The following NTMT1 variants were observed in gnomAD, a reference collection of about 807,000 sequenced individuals.
The protein encoded by NTMT1 is N-terminal Xaa-Pro-Lys N-methyltransferase 1, also known as N-terminal RCC1 methyltransferase.
A neutral mutation model predicts 17.5 loss-of-function variants in NTMT1; 8 were observed. The ratio of observed to expected loss-of-function variants is 0.46; its 90% CI spans 0.27 to 0.82. NTMT1 has a LOEUF of 0.82. Ranked by LOEUF, NTMT1 falls within the 40% of genes least tolerant of loss-of-function variation. The probability of loss-of-function intolerance (pLI) is 0.15; values close to 1 mark genes in which losing one functional copy is unlikely to be tolerated. For synonymous variants in NTMT1, 128 were observed against 126.8 expected (o/e 1.01, Z -0.06); for missense variants, 221 against 303.5 (o/e 0.73, Z 2.02).
chr9:129,613,840 C>T lies in NTMT1; in HGVS notation c.-55+4662C>T, dbSNP rs1219808649. ...CCCCCACTCACGCTGCAGCCGGAAG[C>T]GTGCCCCCTTTCTCGCAGTGGGGAG... On this transcript the variant is annotated intron_variant, in intron 1 of 3. Coordinates refer to the NTMT1 transcript ENST00000372486. This position sits in a 1 kb window ranked among gnomAD's most constrained non-coding sequence, Gnocchi z 6.2. Among the ~76,000 whole-genome samples the T allele has an allele frequency of 6.6e-6, 1 of 152,232 alleles. No homozygotes were observed. The highest frequency in any genetic ancestry group is 2.4e-5 in the African/African-American group (1 of 41,458).
At chr9:129,622,565 C>T (rs1830765924), upstream of NTMT1, among the ~76,000 whole-genome samples, 1 of 152,102 alleles carries the variant, frequency 6.6e-6, no homozygotes, top group South Asian at 2.1e-4. Context: ...TCATTTCTTT[C>T]AGGCAGTCTC....
chr9:129,624,816 C>G (rs762566824), upstream of NTMT1, among the ~76,000 whole-genome samples: 1 of 152,072 alleles, frequency 6.6e-6, no homozygotes, highest in Admixed American at 6.6e-5. Flanking sequence ...TTAGTAGAGA[C>G]GGGGTTTTGC....
intron 1 of NTMT1, among the ~76,000 whole-genome samples, chr9:129,632,327 C>G (rs1831211399): frequency 6.6e-6 from 1 of 152,194 alleles, no homozygotes; most frequent in African/African-American, 2.4e-5. Context: ...AACTGTAGTC[C>G]TAGCTGCTCC....
intron 1 of NTMT1, among the ~76,000 whole-genome samples, chr9:129,632,076 TGC>T (rs1294541221): frequency 2.6e-5 from 4 of 152,122 alleles, no homozygotes; most frequent in African/African-American, 9.7e-5. Flanking sequence ...CTCTCGGCTT[TGC>T]GGTCGTTTCT....
chr9:129,634,657 C>G (rs950943550), intron 3 of NTMT1: 1 of 251,400 alleles, frequency 4.0e-6, no homozygotes, highest in Non-Finnish European at 7.7e-6. Flanking sequence ...AGCTTCGTGT[C>G]TAGCCCTGCA....
chr9:129,609,750 C>G (rs921882199), intron 1 of NTMT1, among the ~76,000 whole-genome samples: 8 of 152,102 alleles, frequency 5.3e-5, no homozygotes, highest in African/African-American at 1.9e-4. Flanking sequence ...ATCCCCTGTT[C>G]ATGGTGGGGG....
Position 129,635,278 on chromosome 9 carries a change from C to T in NTMT1, c.486C>T (p.Ile162=), listed in dbSNP as rs1226116266. The T allele has an allele frequency of 2.5e-6, 4 of 1,613,622 alleles. No homozygotes were observed. The East Asian group carries it at 6.7e-5, about 27-fold the overall frequency. Residue 162 remains isoleucine (I), a synonymous_variant, in exon 4 of 4, where the codon ATC becomes ATT. Coordinates refer to ENST00000372483, the MANE Select transcript of NTMT1 (RefSeq NM_014064.4). ...AGGGCAGCCTCCGCCCCAACGGCAT[C>T]ATCGTCATCAAAGACAACATGGCCC... ...RCKGSLRPNG[I]IVIKDNMAQE...
upstream of NTMT1, among the ~76,000 whole-genome samples, chr9:129,621,806 C>T (rs1007435846): frequency 6.6e-6 from 1 of 152,168 alleles, no homozygotes; most frequent in Non-Finnish European, 1.5e-5. Flanking sequence ...TCTGAGCTGA[C>T]TCCTGGGCAG....
Position 129,635,698 on chromosome 9 carries a change from G to A in NTMT1, c.*234G>A, listed in dbSNP as rs983655806. On this transcript the variant is annotated 3_prime_UTR_variant, in exon 4 of 4. Coordinates refer to ENST00000372483, the MANE Select transcript of NTMT1 (RefSeq NM_014064.4). ...GAGCCCAGACCCTGCTCTCCTGCGA[G>A]ATGGGATTGGGTGGAAGGGGCTCCA... The A allele has an allele frequency of 1.9e-6, 1 of 528,502 alleles. No homozygotes were observed. The highest frequency in any genetic ancestry group is 3.4e-6 in the Non-Finnish European group (1 of 298,114). The allele number at this position is 528,502 out of a possible 1,614,324, so 32.7% of individuals were successfully genotyped here. A position where few individuals can be genotyped will look rare whatever the true frequency, so the allele number is the denominator to read the frequency against.
intron 1 of NTMT1, among the ~76,000 whole-genome samples, chr9:129,609,915 T>G (rs1338654487): frequency 6.6e-6 from 1 of 151,334 alleles, no homozygotes; most frequent in East Asian, 2.0e-4. Context: ...ACCGGCTGTT[T>G]GTAGGGCAGG....
chr9:129,619,615 C>G (rs776108629), intron 1 of NTMT1: 2 of 1,614,076 alleles, frequency 1.2e-6, no homozygotes, highest in South Asian at 2.2e-5. Flanking sequence ...TAAGACTATC[C>G]TGGAGGTGCG....
chr9:129,632,188 C>G lies in NTMT1; in HGVS notation c.-54-462C>G, dbSNP rs148610126. Among the ~76,000 whole-genome samples, 97 of 152,294 alleles carry G rather than the reference C, an allele frequency of 6.4e-4. 1 individual carries two copies. The East Asian group carries it at 0.018, about 28-fold the overall frequency. On this transcript the variant is annotated intron_variant, in intron 1 of 3. Coordinates refer to ENST00000372483, the MANE Select transcript of NTMT1 (RefSeq NM_014064.4). ...GCCAGGCCAGGCACATGGGCTCACA[C>G]CCGTAATCCCAGCACTTTGGGAGGC...
chr9:129,609,994 C>T (rs965726697), intron 1 of NTMT1, among the ~76,000 whole-genome samples: 4 of 137,804 alleles, frequency 2.9e-5, no homozygotes, highest in African/African-American at 1.1e-4. Flanking sequence ...GTCTGTGTAC[C>T]GTGTGGGTGT....
chr9:129,627,107 A>G (rs1830938872), intron 1 of NTMT1, among the ~76,000 whole-genome samples: 1 of 152,188 alleles, frequency 6.6e-6, no homozygotes, highest in Non-Finnish European at 1.5e-5. Context: ...GTTTAAAGAC[A>G]CGTCACTTCC....
upstream of NTMT1, among the ~76,000 whole-genome samples, chr9:129,623,098 A>T (rs1458601545): frequency 6.6e-6 from 1 of 151,802 alleles, no homozygotes. Context: ...CTTTGAGAGG[A>T]CAAGGCGGGT....
Position 129,620,633 on chromosome 9 carries a change from T to C in NTMT1, c.-55+11455T>C, listed in dbSNP as rs1830655780. On this transcript the variant is annotated intron_variant, in intron 1 of 3. Coordinates refer to the NTMT1 transcript ENST00000372486. This position sits in a 1 kb window ranked among gnomAD's most constrained non-coding sequence, Gnocchi z 5.8. Reference sequence around the variant, plus strand: ...GCGCGCGTGGGTGGGGGGCGCCGGCTGAGGTGGGGAGGGCATAGTCCAGCC... The same window carrying C: ...GCGCGCGTGGGTGGGGGGCGCCGGCCGAGGTGGGGAGGGCATAGTCCAGCC... The C allele has an allele frequency of 1.6e-6, 2 of 1,274,722 alleles. No homozygotes were observed. Among genetic ancestry groups the C allele is most frequent in the Non-Finnish European group, 2.0e-6 (2 of 1,009,496 alleles). 79.0% of individuals were successfully genotyped at this position (1,274,722 alleles called of 1,614,324 possible). A position where few individuals can be genotyped will look rare whatever the true frequency, so the allele number is the denominator to read the frequency against.
chr9:129,631,112 C>T (rs559983808), intron 1 of NTMT1, among the ~76,000 whole-genome samples: 47 of 152,362 alleles, frequency 3.1e-4, no homozygotes, highest in Non-Finnish European at 5.9e-4. Context: ...GTCTGCCCCA[C>T]CCCCTCCAGC....
chr9:129,634,456 T>G, intron 3 of NTMT1, 150 bp downstream of exon 3: 1 of 705,028 alleles, frequency 1.4e-6, no homozygotes, highest in Non-Finnish European at 2.0e-6. Context: ...CACCCCGTAC[T>G]TCCCAGGACT....
chr9:129,612,802 C>A (rs1030722396), intron 1 of NTMT1, among the ~76,000 whole-genome samples: 13 of 152,128 alleles, frequency 8.5e-5, no homozygotes, highest in Admixed American at 6.5e-5. Context: ...TGCACTCCAG[C>A]CTGGGCGACA....
Sources: allele counts gnomAD v4.1 joint callset (sites outside exome capture counted in the v4.1 genomes callset), GRCh38; gene constraint gnomAD v4.1.1; non-coding constraint Gnocchi (gnomAD v3.1); transcripts MANE v1.5; gene names NCBI Gene and HGNC (gene_info 2026-07-23, HGNC 2026-07-21).